The following TMEFF1 variants were observed in gnomAD, a reference collection of about 807,000 sequenced individuals.
TMEFF1 encodes transmembrane protein with EGF like and two follistatin like domains 1.
In TMEFF1, 20 loss-of-function variants were observed where a neutral mutation model predicts 47.5. The observed-to-expected ratio is 0.42, with a 90% CI of 0.30 to 0.61. The LOEUF is 0.61. Among genes scored for constraint, TMEFF1 ranks in the 20% least tolerant of loss-of-function variants. TMEFF1 has a pLI of 0.19. For missense variants in TMEFF1, 411 were observed against 471.1 expected, an observed-to-expected ratio of 0.87 and a Z score of 1.18; for synonymous variants, 162 against 166.3, an observed-to-expected ratio of 0.97 and a Z score of 0.20.
chr9:100,505,709 G>A (rs960213768), intron 2 of TMEFF1, among the ~76,000 whole-genome samples: 11 of 152,104 alleles, frequency 7.2e-5, no homozygotes, highest in Non-Finnish European at 1.0e-4. Context: ...AGTAATGTCC[G>A]TCTGTCAATG....
intron 8 of TMEFF1, among the ~76,000 whole-genome samples, chr9:100,568,072 A>T (rs1490335490): frequency 6.6e-6 from 1 of 152,204 alleles, no homozygotes; most frequent in African/African-American, 2.4e-5. Flanking sequence ...CTCCCACGAC[A>T]CATGGGAGTT....
At chr9:100,551,649 A>G (rs931839660) in intron 7 of TMEFF1, among the ~76,000 whole-genome samples, 1 of 152,244 alleles carries the variant, frequency 6.6e-6, no homozygotes, top group African/African-American at 2.4e-5. Context: ...TGTTTTACAC[A>G]TAAGAATTGA....
chr9:100,497,743 A>G (rs1837682700), intron 1 of TMEFF1, among the ~76,000 whole-genome samples: 1 of 152,164 alleles, frequency 6.6e-6, no homozygotes, highest in South Asian at 2.1e-4. Context: ...GAATGGGGAT[A>G]ACTGGAGAAA....
At chr9:100,536,719 C>G (rs767299942) in intron 5 of TMEFF1, among the ~76,000 whole-genome samples, 4 of 152,160 alleles carry the variant, frequency 2.6e-5, no homozygotes, top group Admixed American at 6.5e-5. Flanking sequence ...GATTGTGGTA[C>G]CAGGGCTGAG....
chr9:100,482,884 C>T (rs1837367311), intron 1 of TMEFF1, among the ~76,000 whole-genome samples: 1 of 152,150 alleles, frequency 6.6e-6, no homozygotes, highest in Non-Finnish European at 1.5e-5. Flanking sequence ...TTAACTCTTT[C>T]CTTGAATCCA....
At chr9:100,557,368 C>T (rs1838932975) in intron 7 of TMEFF1, among the ~76,000 whole-genome samples, 1 of 152,118 alleles carries the variant, frequency 6.6e-6, no homozygotes, top group African/African-American at 2.4e-5. Context: ...CTGTGCTGCT[C>T]TTCAAAAGGC....
intron 5 of TMEFF1, among the ~76,000 whole-genome samples, chr9:100,543,258 T>C (rs1238450455): frequency 6.6e-6 from 1 of 152,200 alleles, no homozygotes; most frequent in African/African-American, 2.4e-5. Flanking sequence ...GCACCATGTC[T>C]TAGACTCTCT....
chr9:100,560,892 C>T (rs1412823215), intron 7 of TMEFF1, among the ~76,000 whole-genome samples: 1 of 152,136 alleles, frequency 6.6e-6, no homozygotes, highest in African/African-American at 2.4e-5. Flanking sequence ...AATCAATGTG[C>T]TTGATAATTT....
At chr9:100,482,346 C>G (rs763517541) in intron 1 of TMEFF1, among the ~76,000 whole-genome samples, 10 of 151,890 alleles carry the variant, frequency 6.6e-5, no homozygotes, top group Non-Finnish European at 1.3e-4. Context: ...TACAGGTGCA[C>G]GCCACCACGC....
chr9:100,542,227 A>G (rs1838647448), intron 5 of TMEFF1, among the ~76,000 whole-genome samples: 1 of 151,886 alleles, frequency 6.6e-6, no homozygotes, highest in South Asian at 2.1e-4. Context: ...AAATTTCCTT[A>G]ATGTCACTGT....
chr9:100,509,111 T>C lies in TMEFF1; in HGVS notation c.413T>C (p.Ile138Thr), dbSNP rs769712998. ...ACKHQKEITV[I>T]ARGPCYSDNG... is the part of the protein sequence containing the mutation. ...AAGCACCAGAAAGAGATAACAGTAA[T>C]AGCAAGAGGACCATGCTACTCTGGT... The change falls in exon 3 of 10, where the codon ATA (isoleucine) becomes ACA (threonine). Residue 138 changes from isoleucine to threonine, a missense_variant. Physicochemically the swap from Ile to Thr is moderately conservative, Grantham distance 89 (BLOSUM62 -1). Transcript: ENST00000374879. 4 of 1,583,734 alleles carry C rather than the reference T, an allele frequency of 2.5e-6. No individual in the cohort carries two copies. In the East Asian group the frequency reaches 7.0e-5, roughly 28 times the overall value.
intron 7 of TMEFF1, among the ~76,000 whole-genome samples, chr9:100,557,759 T>G (rs955618306): frequency 1.3e-5 from 2 of 152,094 alleles, no homozygotes; most frequent in African/African-American, 4.8e-5. Flanking sequence ...CTTGTGTTAT[T>G]CAGCTTTTCA....
At chr9:100,536,217 T>G (rs1838503233) in intron 5 of TMEFF1, among the ~76,000 whole-genome samples, 1 of 152,174 alleles carries the variant, frequency 6.6e-6, no homozygotes, top group Non-Finnish European at 1.5e-5. Context: ...TGAGAGAATC[T>G]GAAATACTGT....
At chr9:100,475,026 C>T (rs1837195142) in intron 1 of TMEFF1, among the ~76,000 whole-genome samples, 1 of 152,170 alleles carries the variant, frequency 6.6e-6, no homozygotes, top group Non-Finnish European at 1.5e-5. Context: ...TCCTTGCTAA[C>T]TTGCCCTTTT....
chr9:100,486,286 A>G (rs1044986354), intron 1 of TMEFF1, among the ~76,000 whole-genome samples: 2 of 152,138 alleles, frequency 1.3e-5, no homozygotes, highest in Non-Finnish European at 2.9e-5. Context: ...CTTTTTGCCC[A>G]GGCTGGAGTG....
At chr9:100,576,224 T>C (rs1839350338) in intron 9 of TMEFF1, among the ~76,000 whole-genome samples, 2 of 152,166 alleles carry the variant, frequency 1.3e-5, no homozygotes, top group African/African-American at 4.8e-5. Flanking sequence ...GTGGGATATC[T>C]GTCAGGGATG....
At position 100,561,377 on chromosome 9, in the gene TMEFF1, C is replaced by G. The variant is rs748664486; in HGVS notation, c.776-20C>G. The G allele has an allele frequency of 6.2e-7, 1 of 1,600,258 alleles. No individual in the cohort carries two copies. Among genetic ancestry groups the G allele is most frequent in the East Asian group, 2.2e-5 (1 of 44,488 alleles). ...AGCTTGCGTTTCATTGTTGAACGAT[C>G]TGGTTTATGTTCTTTTAAGATGCTA... On this transcript the variant is annotated intron_variant, in intron 7 of 9. Coordinates refer to ENST00000374879, the MANE Select transcript of TMEFF1 (RefSeq NM_003692.5).
intron 5 of TMEFF1, among the ~76,000 whole-genome samples, chr9:100,523,399 T>C (rs1838201961): frequency 6.6e-6 from 1 of 152,200 alleles, no homozygotes; most frequent in Non-Finnish European, 1.5e-5. Context: ...ACTGTGAGCT[T>C]CCTGAGGGCA....
intron 2 of TMEFF1, among the ~76,000 whole-genome samples, chr9:100,507,370 C>CT (rs1210447212): frequency 5.3e-5 from 8 of 152,104 alleles, no homozygotes; most frequent in Non-Finnish European, 1.2e-4. Flanking sequence ...CTTTGGGTAC[C>CT]TACCCAGTAA....
Sources: allele counts gnomAD v4.1 joint callset (sites outside exome capture counted in the v4.1 genomes callset), GRCh38; gene constraint gnomAD v4.1.1; transcripts MANE v1.5; gene names NCBI Gene and HGNC (gene_info 2026-07-23, HGNC 2026-07-21).